Variants in SUSD1 observed in about 807,000 individuals in gnomAD.
The protein encoded by SUSD1 is sushi domain containing 1.
In SUSD1, 65 loss-of-function variants were observed where a neutral mutation model predicts 86.9. The ratio of observed to expected loss-of-function variants is 0.75; its 90% CI spans 0.61 to 0.92. The LOEUF is 0.92. Among genes scored for constraint, SUSD1 ranks in the 40% least tolerant of loss-of-function variants. The probability of loss-of-function intolerance (pLI) is 0.00; values close to 1 mark genes in which losing one functional copy is unlikely to be tolerated. For missense variants in SUSD1, 850 were observed against 929.7 expected, an observed-to-expected ratio of 0.91 and a Z score of 1.11; for synonymous variants, 346 against 350.0, an observed-to-expected ratio of 0.99 and a Z score of 0.13.
At chr9:112,132,875 C>A (rs1394699504) in intron 5 of SUSD1, among the ~76,000 whole-genome samples, 1 of 152,158 alleles carries the variant, frequency 6.6e-6, no homozygotes, top group East Asian at 1.9e-4. Flanking sequence ...TGAGGTTGGC[C>A]CCTCATTCCA....
chr9:112,134,862 A>G (rs1032361728), intron 5 of SUSD1, among the ~76,000 whole-genome samples: 2 of 151,962 alleles, frequency 1.3e-5, no homozygotes, highest in Admixed American at 1.3e-4. Context: ...GAGGCCAGGA[A>G]TTAGAGACCA....
At chr9:112,055,624 A>G (rs1363887365) in intron 14 of SUSD1, among the ~76,000 whole-genome samples, 1 of 152,220 alleles carries the variant, frequency 6.6e-6, no homozygotes, top group African/African-American at 2.4e-5. Context: ...TAAACATAGA[A>G]TTATCATTTG....
At chr9:112,164,065 G>C (rs1833680911) in intron 1 of SUSD1, among the ~76,000 whole-genome samples, 1 of 152,002 alleles carries the variant, frequency 6.6e-6, no homozygotes, top group South Asian at 2.1e-4. Flanking sequence ...GCTATTTCAT[G>C]TAACTATTGA....
At chr9:112,156,965 T>C (rs904852566) in intron 2 of SUSD1, among the ~76,000 whole-genome samples, 2 of 152,138 alleles carry the variant, frequency 1.3e-5, no homozygotes, top group Admixed American at 1.3e-4. Context: ...AGGCAAAAAA[T>C]AGTTTCAGAT....
At chr9:112,165,899 A>C (rs1833774758) in intron 1 of SUSD1, among the ~76,000 whole-genome samples, 1 of 115,776 alleles carries the variant, frequency 8.6e-6, no homozygotes, top group African/African-American at 4.0e-5. Flanking sequence ...GAAAGAAAGA[A>C]AGGAAGGAAG....
At chr9:112,077,747 C>A (rs1026745652) in intron 12 of SUSD1, among the ~76,000 whole-genome samples, 1 of 151,880 alleles carries the variant, frequency 6.6e-6, no homozygotes, top group East Asian at 1.9e-4. Context: ...ACATGATCAA[C>A]CCTCCTCAGC....
At chr9:112,048,895 AG>A (rs1392910177) in intron 15 of SUSD1, among the ~76,000 whole-genome samples, 1 of 152,264 alleles carries the variant, frequency 6.6e-6, no homozygotes, top group Non-Finnish European at 1.5e-5. Context: ...GCCAGAAAAC[AG>A]CTGGAACATT....
intron 10 of SUSD1, among the ~76,000 whole-genome samples, chr9:112,092,024 AT>A (rs1319930746): frequency 6.6e-6 from 1 of 152,204 alleles, no homozygotes; most frequent in Non-Finnish European, 1.5e-5. Context: ...CCAGCGTTCA[AT>A]TCAAGCACAA....
Position 112,086,565 on chromosome 9 carries a change from AG to A in SUSD1, c.1475-6401del, listed in dbSNP as rs1564282408. Among the ~76,000 whole-genome samples the A allele has an allele frequency of 1.1e-3, 145 of 133,096 alleles. 5 individuals carry two copies. The highest frequency in any genetic ancestry group is 5.0e-3 in the African/African-American group (128 of 25,622). The allele number at this position is 133,096 out of a possible 152,430, so 87.3% of individuals were successfully genotyped here. A position where few individuals can be genotyped will look rare whatever the true frequency, so the allele number is the denominator to read the frequency against. ...AAGAAAGAAAGAAAGAAAGAAAGAG[AG>A]AGAGAGAGAGAGAGAGAGATCTGGT... On this transcript the variant is annotated intron_variant, in intron 10 of 16. Transcript: ENST00000374270.
intron 10 of SUSD1, among the ~76,000 whole-genome samples, chr9:112,092,358 C>T (rs538162331): frequency 1.7e-4 from 26 of 152,328 alleles, no homozygotes; most frequent in African/African-American, 4.8e-4. Context: ...TAAAATGCTG[C>T]TCAGACACTG....
At chr9:112,148,483 C>T (rs150734436) in intron 3 of SUSD1, among the ~76,000 whole-genome samples, 8 of 152,216 alleles carry the variant, frequency 5.3e-5, no homozygotes, top group East Asian at 3.9e-4. Flanking sequence ...AGCCAACAGC[C>T]GGGTGCCAGC....
intron 6 of SUSD1, among the ~76,000 whole-genome samples, chr9:112,117,772 G>T (rs1444480041): frequency 6.6e-6 from 1 of 152,106 alleles, no homozygotes; most frequent in Non-Finnish European, 1.5e-5. Context: ...TAAAAACTAT[G>T]TATTATTTGG....
chr9:112,152,135 G>A (rs1365607746), intron 2 of SUSD1, among the ~76,000 whole-genome samples: 10 of 147,622 alleles, frequency 6.8e-5, no homozygotes, highest in African/African-American at 1.2e-4. Context: ...CCCAGGAGGC[G>A]GAGGTTGCAG....
intron 12 of SUSD1, 136 bp from the exon 13 acceptor site, chr9:112,063,169 A>C: frequency 2.0e-6 from 1 of 497,920 alleles, no homozygotes; most frequent in Non-Finnish European, 3.6e-6. Flanking sequence ...ACATGCCACA[A>C]TGTGGAAGAA....
At chr9:112,087,895 C>T (rs1398534468) in intron 10 of SUSD1, among the ~76,000 whole-genome samples, 2 of 152,098 alleles carry the variant, frequency 1.3e-5, no homozygotes, top group Non-Finnish European at 2.9e-5. Flanking sequence ...TGAAATCTGA[C>T]CCACAACAAT....
chr9:112,172,687 C>A (rs1834096176), intron 1 of SUSD1, among the ~76,000 whole-genome samples: 1 of 152,202 alleles, frequency 6.6e-6, no homozygotes, highest in Admixed American at 6.5e-5. Flanking sequence ...CCCTTCTGTT[C>A]CCTTGCACCT....
At chr9:112,071,289 T>C (rs1829257397) in intron 12 of SUSD1, among the ~76,000 whole-genome samples, 1 of 152,016 alleles carries the variant, frequency 6.6e-6, no homozygotes. Context: ...TAGTAAGACC[T>C]CATCTTTACA....
intron 8 of SUSD1, among the ~76,000 whole-genome samples, chr9:112,107,554 C>T (rs1830905597): frequency 6.6e-6 from 1 of 151,932 alleles, no homozygotes; most frequent in African/African-American, 2.4e-5. Context: ...AAAAGTTTTC[C>T]AGAAAAGCTC....
chr9:112,166,787 C>T (rs1457076207), intron 1 of SUSD1, among the ~76,000 whole-genome samples: 1 of 152,066 alleles, frequency 6.6e-6, no homozygotes, highest in Non-Finnish European at 1.5e-5. Context: ...AGGTGGTTGC[C>T]ATGTAGTAAC....
Sources: gnomAD v4.1 joint callset for allele counts (sites outside exome capture counted in the v4.1 genomes callset) on GRCh38, gnomAD v4.1.1 for gene constraint, MANE v1.5 for transcripts, NCBI Gene and HGNC (gene_info 2026-07-23, HGNC 2026-07-21) for gene names.